Variants in DYNLT2B observed in about 807,000 individuals in gnomAD.
DYNLT2B encodes the protein dynein light chain Tctex-type 2B, also known as dynein light chain Tctex-type protein 2B.
In DYNLT2B, 14 loss-of-function variants were observed where a neutral mutation model predicts 19.5. The observed-to-expected ratio is 0.72, with a 90% CI of 0.47 to 1.12. The LOEUF (loss-of-function observed/expected upper bound fraction) is 1.12, where lower values mean the gene tolerates loss of function less well. Ranked by LOEUF, DYNLT2B falls within the 50% of genes most tolerant of loss-of-function variation. The probability of loss-of-function intolerance (pLI) is 0.00; values close to 1 mark genes in which losing one functional copy is unlikely to be tolerated. For synonymous variants in DYNLT2B, 70 were observed against 59.7 expected (o/e 1.17, Z -0.79); for missense variants, 133 against 174.7 (o/e 0.76, Z 1.35).
chr3:196,296,464 A>C (rs559415271), intron 3 of DYNLT2B, among the ~76,000 whole-genome samples: 5 of 152,344 alleles, frequency 3.3e-5, no homozygotes, highest in Non-Finnish European at 7.3e-5. Flanking sequence ...TCCCAGAAAA[A>C]GGAGCAAACT....
intron 3 of DYNLT2B, among the ~76,000 whole-genome samples, chr3:196,304,668 G>A (rs1458777974): frequency 6.7e-6 from 1 of 149,998 alleles, no homozygotes; most frequent in Non-Finnish European, 1.5e-5. Flanking sequence ...TACAGCCTGG[G>A]AGACAAAAGC....
At chr3:196,306,650 G>C (rs1177289555) in intron 3 of DYNLT2B, among the ~76,000 whole-genome samples, 1 of 152,154 alleles carries the variant, frequency 6.6e-6, no homozygotes, top group Non-Finnish European at 1.5e-5. Context: ...CTGCGTTGAA[G>C]TGATTCTCCT....
chr3:196,309,165 C>T (rs1488027356), intron 2 of DYNLT2B, among the ~76,000 whole-genome samples: 1 of 152,220 alleles, frequency 6.6e-6, no homozygotes, highest in African/African-American at 2.4e-5. Flanking sequence ...CCTGTAATCC[C>T]AGCAATTTTG....
intron 2 of DYNLT2B, among the ~76,000 whole-genome samples, chr3:196,308,151 G>C (rs937257652): frequency 6.6e-6 from 1 of 151,854 alleles, no homozygotes; most frequent in African/African-American, 2.4e-5. Flanking sequence ...TCAAGGAGTG[G>C]CATGTATGAT....
Position 196,292,005 on chromosome 3 carries a change from G to A in DYNLT2B, c.382-631C>T, listed in dbSNP as rs537963098. Among the ~76,000 whole-genome samples, 5 of 152,266 alleles carry A rather than the reference G, an allele frequency of 3.3e-5. No homozygotes were observed. In the South Asian group the frequency reaches 1.0e-3, roughly 32 times the overall value. The stretch of plus-strand genomic sequence containing the variant: ...TTCACATATTTCCTGATTTATCACA[G>A]AAATAATGTATGAAATGCTTTGAGT... On this transcript the variant is annotated intron_variant, in intron 4 of 4. Transcript: ENST00000325318.
At chr3:196,306,434 C>CA (rs147562790) in intron 3 of DYNLT2B, among the ~76,000 whole-genome samples, 33,473 of 138,938 alleles carry the variant, frequency 0.24, 5,124 homozygotes, top group East Asian at 0.75. Context: ...TCTCTTTAAA[C>CA]AAAAAAAAAA....
chr3:196,295,973 A>C (rs1389712346), intron 4 of DYNLT2B, 33 bp downstream of exon 4: 1 of 1,591,806 alleles, frequency 6.3e-7, no homozygotes, highest in South Asian at 1.1e-5. Flanking sequence ...CCACGTTCTT[A>C]GAAAGGGAAA....
intron 3 of DYNLT2B, among the ~76,000 whole-genome samples, chr3:196,304,219 A>G (rs967899522): frequency 3.3e-5 from 5 of 151,584 alleles, no homozygotes; most frequent in Non-Finnish European, 7.4e-5. Flanking sequence ...TGCAACCTCC[A>G]CCTCCCAGGT....
chr3:196,294,943 T>C (rs971572722), intron 4 of DYNLT2B, among the ~76,000 whole-genome samples: 23 of 152,098 alleles, frequency 1.5e-4, no homozygotes, highest in Admixed American at 1.4e-3. Flanking sequence ...GGTTTCACAA[T>C]GTTGGCCAGG....
chr3:196,305,355 A>T (rs980874036), intron 3 of DYNLT2B, among the ~76,000 whole-genome samples: 10 of 152,220 alleles, frequency 6.6e-5, no homozygotes, highest in African/African-American at 2.4e-4. Flanking sequence ...AATTAAGACT[A>T]GATCTAACTA....
intron 4 of DYNLT2B, among the ~76,000 whole-genome samples, chr3:196,293,418 G>C (rs1726139798): frequency 1.3e-5 from 2 of 151,830 alleles, no homozygotes. Context: ...CTGAGGTCAG[G>C]AGTTGGAGAC....
Position 196,316,170 on chromosome 3 carries a change from C to T in DYNLT2B, c.175G>A (p.Ala59Thr), listed in dbSNP as rs1426507039. Residue 59 changes from alanine to threonine, a missense_variant, in exon 2 of 5, where the codon GCT becomes ACT. Coordinates refer to ENST00000325318, the MANE Select transcript of DYNLT2B (RefSeq NM_152773.5). ...HAVLKEELAN[A>T]EYSPEEMPQL... Reference sequence around the variant, plus strand: ...GGCATTTCTTCTGGAGAATATTCAGCATTTGCCAGTTCCTCCTTGAGCACA... The same window carrying T: ...GGCATTTCTTCTGGAGAATATTCAGTATTTGCCAGTTCCTCCTTGAGCACA... 1.9e-6 allele frequency: 3 copies of T among 1,613,868 alleles called. No homozygotes were observed. The highest frequency in any genetic ancestry group is 2.2e-5 in the East Asian group (1 of 44,870).
chr3:196,315,081 T>A (rs1726744555), intron 2 of DYNLT2B, among the ~76,000 whole-genome samples: 1 of 152,020 alleles, frequency 6.6e-6, no homozygotes, highest in African/African-American at 2.4e-5. Flanking sequence ...AATACTAAGA[T>A]TTTTTGGACA....
intron 2 of DYNLT2B, among the ~76,000 whole-genome samples, chr3:196,311,411 A>G (rs955592765): frequency 2.6e-5 from 4 of 151,932 alleles, no homozygotes; most frequent in African/African-American, 9.6e-5. Flanking sequence ...AAAAAAAAAA[A>G]AAGAAGAAGA....
chr3:196,315,230 G>GT, intron 2 of DYNLT2B: 1 of 416,236 alleles, frequency 2.4e-6, no homozygotes, highest in Non-Finnish European at 4.7e-6. Context: ...TTCTATTTAC[G>GT]TTTTTTTAAT....
At chr3:196,310,744 T>C (rs776152981) in intron 2 of DYNLT2B, among the ~76,000 whole-genome samples, 67 of 151,422 alleles carry the variant, frequency 4.4e-4, no homozygotes, top group Non-Finnish European at 5.4e-4. Flanking sequence ...GTTTTGTTTT[T>C]GTTTTTTTGG....
chr3:196,295,301 CA>C (rs575613743), intron 4 of DYNLT2B, among the ~76,000 whole-genome samples: 164 of 152,260 alleles, frequency 1.1e-3, no homozygotes, highest in Non-Finnish European at 2.0e-3. Context: ...GCTGGGATTA[CA>C]GGTGCCCGCC....
chr3:196,311,232 T>C (rs1471057528), intron 2 of DYNLT2B, among the ~76,000 whole-genome samples: 5 of 151,674 alleles, frequency 3.3e-5, no homozygotes, highest in African/African-American at 1.2e-4. Context: ...CTGGGCAAAA[T>C]GGCAAAACCC....
intron 2 of DYNLT2B, among the ~76,000 whole-genome samples, chr3:196,311,661 T>TTTTA (rs148137456): frequency 0.048 from 7,139 of 147,618 alleles, 231 homozygotes; most frequent in African/African-American, 0.091. Context: ...ATGAGGATTA[T>TTTTA]TTTATTTATT....
Sources: gnomAD v4.1 joint callset for allele counts (sites outside exome capture counted in the v4.1 genomes callset) on GRCh38, gnomAD v4.1.1 for gene constraint, MANE v1.5 for transcripts, NCBI Gene and HGNC (gene_info 2026-07-23, HGNC 2026-07-21) for gene names.